TXLNB: variants seen among roughly 807,000 people sequenced by gnomAD.
TXLNB encodes beta-taxilin.
In TXLNB, 37 loss-of-function variants were observed where a neutral mutation model predicts 57.4. The ratio of observed to expected loss-of-function variants is 0.64; its 90% CI spans 0.50 to 0.85. The LOEUF (loss-of-function observed/expected upper bound fraction) is 0.85. TXLNB is among the 40% of genes least tolerant of loss of function. TXLNB has a pLI of 0.00. For synonymous variants in TXLNB, 302 were observed against 309.6 expected (o/e 0.98, Z 0.26); for missense variants, 848 against 825.6 (o/e 1.03, Z -0.33).
At chr6:139,193,693 C>A in the TXLNB span, among the ~76,000 whole-genome samples, 9 of 150,650 alleles carry the variant, frequency 6.0e-5, no homozygotes, top group East Asian at 1.8e-3. Context: ...TTTGCTCTGT[C>A]GCCAGGCTGG....
chr6:139,197,236 C>T, the TXLNB span, among the ~76,000 whole-genome samples: 3 of 152,152 alleles, frequency 2.0e-5, no homozygotes, highest in African/African-American at 7.2e-5. Flanking sequence ...TGCCTAACCT[C>T]CTATTTCCCC....
the TXLNB span, among the ~76,000 whole-genome samples, chr6:139,202,029 T>C: frequency 6.6e-6 from 1 of 152,214 alleles, no homozygotes; most frequent in East Asian, 1.9e-4. Context: ...ATATTTTTAG[T>C]TTTATTATTT....
At chr6:139,165,807 GGGACA>G in the TXLNB span, among the ~76,000 whole-genome samples, 1 of 16,888 alleles carries the variant, frequency 5.9e-5, no homozygotes, top group Non-Finnish European at 1.4e-4. Flanking sequence ...TGCACAGTGT[GGGACA>G]TGTGTGGGAC....
chr6:139,225,932 C>T, the TXLNB span, among the ~76,000 whole-genome samples: 1 of 152,072 alleles, frequency 6.6e-6, no homozygotes, highest in African/African-American at 2.4e-5. Flanking sequence ...TATTATGAAG[C>T]TACAGTAATT....
the TXLNB span, among the ~76,000 whole-genome samples, chr6:139,193,978 A>G: frequency 1.3e-5 from 2 of 150,210 alleles, no homozygotes; most frequent in African/African-American, 4.9e-5. Flanking sequence ...AGTAGCTGGG[A>G]CTACAGGCGC....
At position 139,288,597 on chromosome 6, in the gene TXLNB, G is replaced by C; in HGVS notation, c.303C>G (p.Asp101Glu). 3.1e-6 allele frequency: 5 copies of C among 1,614,166 alleles called. No homozygotes were observed. The highest frequency in any genetic ancestry group is 1.6e-4 in the Middle Eastern group (1 of 6,062). Residue 101 changes from aspartate to glutamate, a missense_variant, in exon 2 of 10, where the codon GAC becomes GAG. By Grantham distance (45) the Asp-to-Glu change is conservative (BLOSUM62 2). Coordinates refer to ENST00000358430, the MANE Select transcript of TXLNB (RefSeq NM_153235.4). The part of the protein sequence containing the change: ...NAESPDNEDG[D>E]CEETTEEAGR... The stretch of plus-strand genomic sequence containing the variant: ...CAGCCTCTTCAGTTGTTTCCTCACA[G>C]TCCCCATCCTCGTTGTCAGGTGATT...
At chr6:139,216,156 T>C in the TXLNB span, among the ~76,000 whole-genome samples, 4 of 152,166 alleles carry the variant, frequency 2.6e-5, no homozygotes, top group East Asian at 7.7e-4. Context: ...ATCATGCTGC[T>C]ATAAAGACAC....
chr6:139,302,739 G>A, the TXLNB span, among the ~76,000 whole-genome samples: 3 of 151,344 alleles, frequency 2.0e-5, no homozygotes, highest in South Asian at 2.1e-4. Context: ...AGCTGAGATC[G>A]CACCATTGCC....
the TXLNB span, among the ~76,000 whole-genome samples, chr6:139,206,787 G>A: frequency 3.3e-5 from 5 of 152,044 alleles, no homozygotes; most frequent in Non-Finnish European, 7.4e-5. Context: ...TAGACTTAAG[G>A]TAAAGGGGTG....
chr6:139,312,662 T>C, the TXLNB span, among the ~76,000 whole-genome samples: 1 of 130,566 alleles, frequency 7.7e-6, no homozygotes, highest in African/African-American at 3.1e-5. Context: ...GACTTGAATA[T>C]GAACCCCAAA....
downstream of TXLNB, among the ~76,000 whole-genome samples, chr6:139,235,567 G>A (rs1378159993): frequency 2.6e-5 from 4 of 152,126 alleles, no homozygotes; most frequent in Admixed American, 2.0e-4. Flanking sequence ...ATCTGTCAAG[G>A]GTGGGACCAG....
chr6:139,246,282 T>C (rs1776064438), intron 8 of TXLNB, among the ~76,000 whole-genome samples: 1 of 152,226 alleles, frequency 6.6e-6, no homozygotes, highest in Admixed American at 6.5e-5. Context: ...AAATGGATAG[T>C]TCCATTCTGA....
In TXLNB at chr6:139,285,797, A is replaced by G. The variant is rs764280135; in HGVS notation, c.424+2679T>C. ...TCCATACCAAGGTGTTCTGCAGCAG[A>G]TATCTCCAACCCTCAGGCCACGGAC... On this transcript the variant is annotated intron_variant, in intron 2 of 9. Coordinates refer to ENST00000358430, the MANE Select transcript of TXLNB (RefSeq NM_153235.4). Among the ~76,000 whole-genome samples, 50 of 145,276 alleles carry G rather than the reference A, an allele frequency of 3.4e-4. 7 individuals are homozygous for G. Among genetic ancestry groups the G allele is most frequent in the Non-Finnish European group, 7.2e-4 (47 of 65,252 alleles).
the TXLNB span, among the ~76,000 whole-genome samples, chr6:139,309,623 C>T: frequency 2.0e-5 from 3 of 152,016 alleles, no homozygotes; most frequent in Non-Finnish European, 4.4e-5. Context: ...CGAAGAGTCT[C>T]GACATGAAAA....
chr6:139,309,373 T>C, the TXLNB span, among the ~76,000 whole-genome samples: 1,004 of 152,338 alleles, frequency 6.6e-3, 36 homozygotes, highest in Admixed American at 0.045. Context: ...GCAATAAGAT[T>C]TCTAAACAGT....
At chr6:139,230,598 T>A in the TXLNB span, among the ~76,000 whole-genome samples, 1 of 152,234 alleles carries the variant, frequency 6.6e-6, no homozygotes, top group Non-Finnish European at 1.5e-5. Flanking sequence ...GCAGCTGGTC[T>A]CTGTGAGGAA....
chr6:139,161,677 C>A, the TXLNB span, among the ~76,000 whole-genome samples: 1 of 152,192 alleles, frequency 6.6e-6, no homozygotes, highest in African/African-American at 2.4e-5. Flanking sequence ...AATATCAAGT[C>A]AGTCTCAACA....
chr6:139,264,413 T>C lies in TXLNB; in HGVS notation c.688-1640A>G, dbSNP rs117510636. 5.0e-3 allele frequency among the ~76,000 whole-genome samples: 750 copies of C among 148,946 alleles called. 17 individuals carry two copies. The highest frequency in any genetic ancestry group is 0.027 in the Admixed American group (407 of 14,938). ...CACCCCATGCAAGTCTGAGTTGTTG[T>C]TTTTTTTTTAATTGGGAACTGGCTA... is the stretch of plus-strand genomic sequence containing the variant. On this transcript the variant is annotated intron_variant, in intron 4 of 9. Coordinates refer to ENST00000358430, the MANE Select transcript of TXLNB (RefSeq NM_153235.4).
chr6:139,231,418 G>A, the TXLNB span, among the ~76,000 whole-genome samples: 2 of 152,132 alleles, frequency 1.3e-5, no homozygotes, highest in Non-Finnish European at 2.9e-5. Context: ...CAAGGTGTGG[G>A]TGGTCGTGAA....
Sources: gnomAD v4.1 joint callset for allele counts (sites outside exome capture counted in the v4.1 genomes callset) on GRCh38, gnomAD v4.1.1 for gene constraint, MANE v1.5 for transcripts, NCBI Gene and HGNC (gene_info 2026-07-23, HGNC 2026-07-21) for gene names.